REPS1: variants seen among roughly 807,000 people sequenced by gnomAD.
REPS1 encodes ralBP1-associated Eps domain-containing protein 1.
In REPS1, 39 loss-of-function variants were observed where a neutral mutation model predicts 100.9. The ratio of observed to expected loss-of-function variants is 0.39; its 90% CI spans 0.30 to 0.50. The LOEUF (loss-of-function observed/expected upper bound fraction) is 0.50. REPS1 is among the 20% of genes least tolerant of loss of function. The pLI, the probability that REPS1 is intolerant of heterozygous loss-of-function variation, is 0.86. For missense variants in REPS1, 821 were observed against 968.5 expected, an observed-to-expected ratio of 0.85 and a Z score of 2.02; for synonymous variants, 324 against 340.3, an observed-to-expected ratio of 0.95 and a Z score of 0.53.
chr6:138,945,218 C>T lies in REPS1; in HGVS notation c.628+1G>A, dbSNP rs1480051462. 2.5e-6 allele frequency: 4 copies of T among 1,603,142 alleles called. No individual in the cohort carries two copies. In the Admixed American group the frequency reaches 5.1e-5, roughly 21 times the overall value. On this transcript the variant is annotated splice_donor_variant, in intron 4 of 19. Transcript: ENST00000450536. LOFTEE classifies it high-confidence loss of function. ...ACTCTAATCAATCAATCTCTAAATA[C>T]CTGATTGTGCTTCACCAAAGGGAGA...
chr6:138,953,395 G>T (rs778481346), intron 1 of REPS1, among the ~76,000 whole-genome samples: 5 of 151,956 alleles, frequency 3.3e-5, no homozygotes, highest in African/African-American at 1.2e-4. Context: ...AATCAACAGA[G>T]TAAAAGACAA....
chr6:138,986,329 A>G (rs1203140049), intron 1 of REPS1, among the ~76,000 whole-genome samples: 1 of 152,272 alleles, frequency 6.6e-6, no homozygotes, highest in Non-Finnish European at 1.5e-5. Context: ...CCATTTAAAA[A>G]GATCGAACTC....
chr6:138,908,396 G>A (rs1161917326), intron 18 of REPS1, among the ~76,000 whole-genome samples: 2 of 152,138 alleles, frequency 1.3e-5, no homozygotes, highest in African/African-American at 4.8e-5. Context: ...CTGGGTTCAA[G>A]CAATTCTCCT....
chr6:138,920,118 T>C, intron 12 of REPS1, 97 bp downstream of exon 12: 1 of 686,968 alleles, frequency 1.5e-6, no homozygotes, highest in Admixed American at 2.2e-5. Context: ...CTACTTTATC[T>C]AGTGAAGACG....
intron 1 of REPS1, among the ~76,000 whole-genome samples, chr6:138,974,222 G>C (rs1784481226): frequency 6.6e-6 from 1 of 152,090 alleles, no homozygotes; most frequent in African/African-American, 2.4e-5. Context: ...AATGCCACAG[G>C]ATAACTAAAC....
intron 10 of REPS1, among the ~76,000 whole-genome samples, chr6:138,924,467 C>T (rs1280578904): frequency 6.6e-6 from 1 of 152,146 alleles, no homozygotes; most frequent in South Asian, 2.1e-4. Context: ...TCCTGTCAGT[C>T]GTAGGTCAAT....
At chr6:138,926,664 T>C (rs181445879) in intron 9 of REPS1, 183 bp from the exon 10 acceptor site, 3 of 564,024 alleles carry the variant, frequency 5.3e-6, no homozygotes. Context: ...ACTTGTAATG[T>C]AAGGTGAGGA....
intron 1 of REPS1, among the ~76,000 whole-genome samples, chr6:138,973,314 A>T (rs1164162965): frequency 1.3e-5 from 2 of 152,216 alleles, no homozygotes; most frequent in African/African-American, 4.8e-5. Flanking sequence ...CATTCTAGAG[A>T]TATAACTTGA....
At chr6:138,947,758 T>A (rs1782735848) in intron 2 of REPS1, 32 bp downstream of exon 2, 1 of 1,462,534 alleles carries the variant, frequency 6.8e-7, no homozygotes, top group African/African-American at 1.5e-5. Context: ...GAAGCCTATT[T>A]TCTTTCGGTT....
Position 138,951,440 on chromosome 6 carries a change from C to A in REPS1, c.154-3527G>T, listed in dbSNP as rs573466015. Among the ~76,000 whole-genome samples, 27 of 152,118 alleles carry A rather than the reference C, an allele frequency of 1.8e-4. No individual in the cohort carries two copies. In the South Asian group the frequency reaches 5.0e-3, roughly 28 times the overall value. On this transcript the variant is annotated intron_variant, in intron 1 of 19. Transcript: ENST00000450536. ...TATTAACAGATTTCCTAACATAGAA[C>A]CTTCCTTTGATTCCTGGAATGAATT...
At chr6:138,916,578 G>T (rs1227146366) in intron 13 of REPS1, among the ~76,000 whole-genome samples, 1 of 151,890 alleles carries the variant, frequency 6.6e-6, no homozygotes, top group Non-Finnish European at 1.5e-5. Flanking sequence ...TTAGTGTTAC[G>T]CTTTCCCATT....
At position 138,915,914 on chromosome 6, in the gene REPS1, G is replaced by A. The variant is rs374651658; in HGVS notation, c.1664C>T (p.Pro555Leu). The part of the protein sequence containing the change: ...APPPPPPRPQ[P>L]SHSRSSSLDM... ...TAAAGATGATGATCTAGAATGAGAG[G>A]GCTGTGGCCTTGGAGGGGGAGGTGG... The change falls in exon 14 of 20, where the codon CCC (proline) becomes CTC (leucine). Residue 555 changes from proline to leucine, a missense_variant. By Grantham distance (98) the Pro-to-Leu change is moderately conservative. Coordinates refer to ENST00000450536, the MANE Select transcript of REPS1 (RefSeq NM_001286611.2). 12 of 1,614,056 alleles carry A rather than the reference G, an allele frequency of 7.4e-6. No individual in the cohort carries two copies. Among genetic ancestry groups the A allele is most frequent in the Middle Eastern group, 3.3e-4 (2 of 6,062 alleles).
At chr6:138,980,685 CGGGGG>C (rs377362890) in intron 1 of REPS1, among the ~76,000 whole-genome samples, 3 of 14,830 alleles carry the variant, frequency 2.0e-4, no homozygotes, top group Non-Finnish European at 3.8e-4. Flanking sequence ...GTGGGTGGGG[CGGGGG>C]GGGGGGGGAA....
chr6:138,963,186 T>G (rs1783834925), intron 1 of REPS1, among the ~76,000 whole-genome samples: 1 of 152,164 alleles, frequency 6.6e-6, no homozygotes, highest in South Asian at 2.1e-4. Flanking sequence ...TGATACATCT[T>G]AAGACCTACT....
chr6:138,979,998 G>C (rs1342877447), intron 1 of REPS1, among the ~76,000 whole-genome samples: 3 of 152,106 alleles, frequency 2.0e-5, no homozygotes, highest in Non-Finnish European at 4.4e-5. Context: ...ATAGACAAAA[G>C]GGGAACTGCT....
chr6:138,914,429 A>G (rs2128434338), intron 15 of REPS1, among the ~76,000 whole-genome samples: 1 of 152,318 alleles, frequency 6.6e-6, no homozygotes, highest in Non-Finnish European at 1.5e-5. Flanking sequence ...GATATTTCCT[A>G]TCTCCCAATC....
intron 13 of REPS1, chr6:138,916,187 A>T: frequency 2.1e-6 from 1 of 483,472 alleles, no homozygotes; most frequent in Non-Finnish European, 3.6e-6. Context: ...CAATTTTTTT[A>T]ATAAAGTTAT....
intron 1 of REPS1, among the ~76,000 whole-genome samples, chr6:138,948,744 A>T (rs897812817): frequency 1.3e-5 from 2 of 152,196 alleles, no homozygotes. Flanking sequence ...GTATAGAGAG[A>T]GCAGTTTTAG....
intron 19 of REPS1, 107 bp from the exon 20 acceptor site, chr6:138,905,239 T>C (rs1167207693): frequency 1.5e-6 from 1 of 680,002 alleles, no homozygotes; most frequent in Middle Eastern, 2.5e-4. Flanking sequence ...TCAAGACAAC[T>C]AAGGGAGAGC....
Sources: gnomAD v4.1 joint callset for allele counts (sites outside exome capture counted in the v4.1 genomes callset) on GRCh38, gnomAD v4.1.1 for gene constraint, MANE v1.5 for transcripts, NCBI Gene and HGNC (gene_info 2026-07-23, HGNC 2026-07-21) for gene names.